The following SLCO6A1 variants were observed in gnomAD, a reference collection of about 807,000 sequenced individuals.
The protein encoded by SLCO6A1 is solute carrier organic anion transporter family member 6A1.
In SLCO6A1, 65 loss-of-function variants were observed where a neutral mutation model predicts 72.7. That is an observed-to-expected ratio of 0.89 (90% CI 0.73 to 1.10). SLCO6A1 has a LOEUF of 1.10. Ranked by LOEUF, SLCO6A1 falls within the 50% of genes least tolerant of loss-of-function variation. The pLI, the probability that SLCO6A1 is intolerant of heterozygous loss-of-function variation, is 0.00. For missense variants in SLCO6A1, 874 were observed against 872.6 expected (o/e 1.00, Z -0.02); for synonymous variants, 314 against 298.2 (o/e 1.05, Z -0.55).
intron 7 of SLCO6A1, among the ~76,000 whole-genome samples, chr5:102,435,422 T>TAAA (rs1428071212): frequency 6.6e-6 from 1 of 151,482 alleles, no homozygotes; most frequent in Non-Finnish European, 1.5e-5. Context: ...AACACATGAA[T>TAAA]TGTTACCCAA....
rs751867892 is a variant in SLCO6A1 at position 102,498,571 on chromosome 5, C to A, written c.274G>T (p.Gly92Cys). 1 of 1,614,230 alleles carries A rather than the reference C, an allele frequency of 6.2e-7. No homozygotes were observed. Among genetic ancestry groups the A allele is most frequent in the Non-Finnish European group, 8.5e-7 (1 of 1,180,032 alleles). Residue 92 changes from glycine (G) to cysteine (C), a missense_variant, in exon 1 of 14, where the codon GGC becomes TGC. Physicochemically the swap from Gly to Cys is radical, Grantham distance 159. Coordinates refer to ENST00000506729, the MANE Select transcript of SLCO6A1 (RefSeq NM_173488.5). ...TCACAGCAGGTGCTGACTAAGCAGC[C>A]CAAACCACAGGGCTGCTCCAAACTG... ...DDSLEQPCGLGCLVSTCCECC... is the reference protein window; with the variant it reads ...DDSLEQPCGLCCLVSTCCECC...
chr5:102,375,854 GATAAA>G (rs1745755702), intron 12 of SLCO6A1, among the ~76,000 whole-genome samples: 1 of 151,658 alleles, frequency 6.6e-6, no homozygotes, highest in African/African-American at 2.4e-5. Context: ...GGAAAAATGA[GATAAA>G]ATAAATATTT....
intron 10 of SLCO6A1, among the ~76,000 whole-genome samples, chr5:102,396,560 T>A (rs370853486): frequency 6.6e-6 from 1 of 152,186 alleles, no homozygotes; most frequent in East Asian, 1.9e-4. Context: ...TAAGGAGAAT[T>A]GATATACTTG....
At chr5:102,458,892 A>ATGAT (rs1458987053) in intron 5 of SLCO6A1, among the ~76,000 whole-genome samples, 2 of 152,214 alleles carry the variant, frequency 1.3e-5, no homozygotes, top group Non-Finnish European at 2.9e-5. Context: ...GAAATGTACT[A>ATGAT]TAATCAGGAG....
chr5:102,399,793 A>G, intron 9 of SLCO6A1, 51 bp from the exon 10 acceptor site: 1 of 1,296,854 alleles, frequency 7.7e-7, no homozygotes, highest in South Asian at 2.1e-5. Flanking sequence ...AGTCATAAAC[A>G]AAAGTTCTTA....
intron 6 of SLCO6A1, 25 bp from the exon 7 acceptor site, chr5:102,438,786 CTAT>C: frequency 6.9e-7 from 1 of 1,446,680 alleles, no homozygotes; most frequent in Non-Finnish European, 9.2e-7. Context: ...AGTTATATAT[CTAT>C]TATTTTATTT....
At chr5:102,453,794 G>C (rs1750559306) in intron 6 of SLCO6A1, among the ~76,000 whole-genome samples, 1 of 152,124 alleles carries the variant, frequency 6.6e-6, no homozygotes, top group Non-Finnish European at 1.5e-5. Context: ...AATTGGGCAG[G>C]GGTTTTACTT....
At chr5:102,441,766 T>G (rs1749847103) in intron 6 of SLCO6A1, among the ~76,000 whole-genome samples, 1 of 151,946 alleles carries the variant, frequency 6.6e-6, no homozygotes, top group Non-Finnish European at 1.5e-5. Flanking sequence ...TTAGCATCTC[T>G]GTTAAATAAA....
chr5:102,444,754 T>G (rs925395176), intron 6 of SLCO6A1, among the ~76,000 whole-genome samples: 4 of 152,348 alleles, frequency 2.6e-5, no homozygotes, highest in Admixed American at 2.6e-4. Flanking sequence ...TAATTTTGTT[T>G]TCTTTCATTT....
intron 7 of SLCO6A1, among the ~76,000 whole-genome samples, chr5:102,432,441 T>C (rs2112658858): frequency 6.6e-6 from 1 of 152,268 alleles, no homozygotes; most frequent in Non-Finnish European, 1.5e-5. Context: ...TGGTAAAAAA[T>C]TCCCTCATAA....
intron 8 of SLCO6A1, among the ~76,000 whole-genome samples, chr5:102,418,645 C>G (rs1748423706): frequency 6.6e-6 from 1 of 152,108 alleles, no homozygotes; most frequent in African/African-American, 2.4e-5. Context: ...CCACACTAAT[C>G]CAATTAAGAG....
At chr5:102,409,780 A>G (rs1747872368) in intron 9 of SLCO6A1, among the ~76,000 whole-genome samples, 1 of 152,224 alleles carries the variant, frequency 6.6e-6, no homozygotes. Flanking sequence ...AAATATAAAG[A>G]AAACTATGAA....
At chr5:102,476,457 C>T (rs1751906191) in intron 3 of SLCO6A1, among the ~76,000 whole-genome samples, 1 of 152,048 alleles carries the variant, frequency 6.6e-6, no homozygotes. Flanking sequence ...TTGAATGAGG[C>T]TCATCCACAT....
intron 9 of SLCO6A1, among the ~76,000 whole-genome samples, chr5:102,402,570 A>C (rs988358146): frequency 1.3e-5 from 2 of 152,184 alleles, no homozygotes; most frequent in Non-Finnish European, 2.9e-5. Flanking sequence ...TAATATGAAG[A>C]TGGTGGCATC....
chr5:102,378,261 T>C (rs1745917922), intron 12 of SLCO6A1, among the ~76,000 whole-genome samples: 1 of 152,086 alleles, frequency 6.6e-6, no homozygotes, highest in South Asian at 2.1e-4. Context: ...ATGTCCTTTG[T>C]AGGGACATGG....
intron 7 of SLCO6A1, among the ~76,000 whole-genome samples, chr5:102,434,127 G>C (rs1446768891): frequency 6.6e-6 from 1 of 151,964 alleles, no homozygotes. Flanking sequence ...AAAACTTTCT[G>C]TATATCTTGC....
intron 9 of SLCO6A1, among the ~76,000 whole-genome samples, chr5:102,400,983 T>A (rs181278947): frequency 6.6e-5 from 10 of 151,648 alleles, no homozygotes; most frequent in South Asian, 2.1e-4. Flanking sequence ...CAGGACATTT[T>A]AAAAAAAAGG....
Position 102,455,007 on chromosome 5 carries a change from A to AATAT in SLCO6A1, c.1131+3371_1131+3374dup, listed in dbSNP as rs912771095. On this transcript the variant is annotated intron_variant, in intron 6 of 13. Coordinates refer to ENST00000506729, the MANE Select transcript of SLCO6A1 (RefSeq NM_173488.5). The stretch of plus-strand genomic sequence containing the variant: ...AAACCAGTATAACAAAATATATATA[A>AATAT]ATATATATATATATATATATAAATT... Among the ~76,000 whole-genome samples the AATAT allele has an allele frequency of 3.9e-3, 300 of 76,678 alleles. 3 individuals are homozygous for AATAT. The highest frequency in any genetic ancestry group is 0.015 in the African/African-American group (251 of 16,948). 50.3% of individuals were successfully genotyped at this position (76,678 alleles called of 152,430 possible). A position where few individuals can be genotyped will look rare whatever the true frequency, so the allele number is the denominator to read the frequency against.
At position 102,408,328 on chromosome 5, in the gene SLCO6A1, G is replaced by T. The variant is rs568241652; in HGVS notation, c.1626+4662C>A. On this transcript the variant is annotated intron_variant, in intron 9 of 13. Coordinates refer to ENST00000506729, the MANE Select transcript of SLCO6A1 (RefSeq NM_173488.5). ...AGGTCATTTAAATTATGGATGCAGG[G>T]GCTACTGTAATTTATTATGTAGCAA... Among the ~76,000 whole-genome samples the T allele has an allele frequency of 4.6e-5, 7 of 150,916 alleles. No homozygotes were observed. In the East Asian group the frequency reaches 9.7e-4, roughly 21 times the overall value.
Sources: gnomAD v4.1 joint callset for allele counts (sites outside exome capture counted in the v4.1 genomes callset) on GRCh38, gnomAD v4.1.1 for gene constraint, MANE v1.5 for transcripts, NCBI Gene and HGNC (gene_info 2026-07-23, HGNC 2026-07-21) for gene names.